PLCZ1: variants seen among roughly 807,000 people sequenced by gnomAD.
PLCZ1 encodes phospholipase C zeta 1, also known as 1-phosphatidylinositol 4,5-bisphosphate phosphodiesterase zeta-1.
In PLCZ1, 64 loss-of-function variants were observed where a neutral mutation model predicts 76.8. The ratio of observed to expected loss-of-function variants is 0.83; its 90% CI spans 0.68 to 1.03. The LOEUF is 1.03. Ranked by LOEUF, PLCZ1 falls within the 50% of genes least tolerant of loss-of-function variation. The probability of loss-of-function intolerance (pLI) is 0.00; values close to 1 mark genes in which losing one functional copy is unlikely to be tolerated. For missense variants in PLCZ1, 751 were observed against 713.7 expected (o/e 1.05, Z -0.60); for synonymous variants, 248 against 230.8 (o/e 1.07, Z -0.68).
chr12:18,677,586 A>G, the PLCZ1 span, among the ~76,000 whole-genome samples: 1 of 152,176 alleles, frequency 6.6e-6, no homozygotes, highest in East Asian at 1.9e-4. Flanking sequence ...GCAGTGCTTT[A>G]AGAGCACTGC....
intron 5 of PLCZ1, among the ~76,000 whole-genome samples, chr12:18,714,051 G>A (rs921865532): frequency 1.3e-5 from 2 of 152,116 alleles, no homozygotes; most frequent in South Asian, 2.1e-4. Context: ...AGCAAATAGG[G>A]ATGTCTCAAA....
At chr12:18,651,360 C>T in the PLCZ1 span, among the ~76,000 whole-genome samples, 1 of 152,148 alleles carries the variant, frequency 6.6e-6, no homozygotes, top group East Asian at 1.9e-4. Flanking sequence ...TCCCTGGAAA[C>T]ACACCAGATC....
At chr12:18,721,715 TAAA>T (rs35492057) in intron 4 of PLCZ1, among the ~76,000 whole-genome samples, 3 of 139,836 alleles carry the variant, frequency 2.1e-5, no homozygotes, top group African/African-American at 2.6e-5. Flanking sequence ...GTCTTGCTAT[TAAA>T]AAAAAAAAAA....
the PLCZ1 span, among the ~76,000 whole-genome samples, chr12:18,662,352 G>A: frequency 2.0e-5 from 3 of 151,874 alleles, no homozygotes; most frequent in African/African-American, 7.3e-5. Flanking sequence ...AAAATTGAGG[G>A]AGAAATTAAG....
intron 3 of PLCZ1, among the ~76,000 whole-genome samples, chr12:18,731,499 C>T (rs549060639): frequency 4.8e-5 from 7 of 147,130 alleles, no homozygotes; most frequent in African/African-American, 1.7e-4. Flanking sequence ...TGCTAATACT[C>T]TGACAACTGT....
intron 3 of PLCZ1, among the ~76,000 whole-genome samples, chr12:18,732,937 A>T (rs1959135619): frequency 6.6e-6 from 1 of 152,206 alleles, no homozygotes; most frequent in African/African-American, 2.4e-5. Context: ...CAGGAGTACA[A>T]ATATCTCTTG....
intron 11 of PLCZ1, among the ~76,000 whole-genome samples, 191 bp from the exon 12 acceptor site, chr12:18,695,270 G>A (rs1314600223): frequency 6.6e-6 from 1 of 152,130 alleles, no homozygotes; most frequent in Non-Finnish European, 1.5e-5. Context: ...ATATTGATGA[G>A]TTGCAAAGTT....
chr12:18,671,533 T>C, the PLCZ1 span, among the ~76,000 whole-genome samples: 7 of 152,142 alleles, frequency 4.6e-5, no homozygotes, highest in African/African-American at 1.2e-4. Flanking sequence ...GCACCACCCA[T>C]GTGTGGCTAC....
At chr12:18,703,451 C>A (rs1956197356) in intron 7 of PLCZ1, among the ~76,000 whole-genome samples, 1 of 152,134 alleles carries the variant, frequency 6.6e-6, no homozygotes, top group African/African-American at 2.4e-5. Flanking sequence ...TCATGTAATA[C>A]AGCTGTTTTT....
chr12:18,697,859 C>T (rs1217397592), intron 10 of PLCZ1, among the ~76,000 whole-genome samples: 1 of 148,570 alleles, frequency 6.7e-6, no homozygotes, highest in Non-Finnish European at 1.5e-5. Flanking sequence ...GAAGTTAAAC[C>T]TTTGCAGACA....
intron 6 of PLCZ1, among the ~76,000 whole-genome samples, chr12:18,708,789 T>G (rs909103450): frequency 6.6e-6 from 1 of 152,178 alleles, no homozygotes; most frequent in Non-Finnish European, 1.5e-5. Context: ...TTTCATATAC[T>G]TGTTGGCCAT....
intron 4 of PLCZ1, among the ~76,000 whole-genome samples, chr12:18,720,774 T>C (rs867283516): frequency 6.6e-6 from 1 of 151,956 alleles, no homozygotes; most frequent in African/African-American, 2.4e-5. Flanking sequence ...ACAAGAATGC[T>C]CACATTAGCA....
chr12:18,709,565 AT>A, intron 6 of PLCZ1, among the ~76,000 whole-genome samples: 1 of 151,966 alleles, frequency 6.6e-6, no homozygotes, highest in African/African-American at 2.4e-5. Flanking sequence ...TGCCATTGGA[AT>A]TTTGATAAGA....
chr12:18,711,558 T>TAATAATAATAAA (rs1371733123), intron 6 of PLCZ1, among the ~76,000 whole-genome samples: 1 of 149,092 alleles, frequency 6.7e-6, no homozygotes, highest in African/African-American at 2.5e-5. Flanking sequence ...ATAATAATAA[T>TAATAATAATAAA]AAAAGTAAAG....
At chr12:18,737,565 T>C (rs1959519656) in intron 1 of PLCZ1, 56 bp from the exon 2 acceptor site, 2 of 727,196 alleles carry the variant, frequency 2.8e-6, no homozygotes, top group Admixed American at 4.1e-5. Context: ...TCTTTGAAGC[T>C]AGCTCACACT....
the PLCZ1 span, among the ~76,000 whole-genome samples, chr12:18,678,060 A>G: frequency 4.0e-3 from 603 of 152,154 alleles, 5 homozygotes; most frequent in African/African-American, 0.014. Flanking sequence ...TGGATTTGCT[A>G]TAAATATTAT....
chr12:18,663,474 A>G, the PLCZ1 span, among the ~76,000 whole-genome samples: 1 of 152,272 alleles, frequency 6.6e-6, no homozygotes, highest in South Asian at 2.1e-4. Flanking sequence ...TGCATAGGTT[A>G]TATGCAAATA....
At position 18,719,543 on chromosome 12, in the gene PLCZ1, CT is replaced by C; in HGVS notation, c.456del (p.Val153PhefsTer5). The C allele has an allele frequency of 6.3e-7, 1 of 1,599,246 alleles. No individual in the cohort carries two copies. Among genetic ancestry groups the C allele is most frequent in the Non-Finnish European group, 8.5e-7 (1 of 1,170,658 alleles). ...AATGGATGAGTCATATCTTGATAAA[CT>C]TTTCTACATTCATTTTTAAACAGTA... is the stretch of plus-strand genomic sequence containing the variant. ...ECLLFKNECR[K>X]VYQDMTHPLN... is the part of the protein sequence containing the mutation. On this transcript the variant is annotated frameshift_variant, in exon 5 of 15. Coordinates refer to ENST00000266505, the MANE Select transcript of PLCZ1 (RefSeq NM_033123.4). LOFTEE classifies it high-confidence loss of function.
rs10505830 is a variant in PLCZ1 at position 18,688,181 on chromosome 12, G to A, written c.1499C>T (p.Ser500Leu). The change falls in exon 13 of 15, where the codon TCA becomes TTA. Residue 500 changes from serine to leucine, a missense_variant. Physicochemically the swap from Ser to Leu is moderately radical, Grantham distance 145. Coordinates refer to ENST00000266505, the MANE Select transcript of PLCZ1 (RefSeq NM_033123.4). ...TACTAATGAATCACCTTTGTTAGAT[G>A]ATGAATGAGTAAGAGGCAACTGGAT... ...SGIQLPLTHS[S>L]SNKGDSLVII... The A allele has an allele frequency of 0.042, 66,849 of 1,610,542 alleles. 1,650 individuals carry two copies. Among genetic ancestry groups the A allele is most frequent in the Non-Finnish European group, 0.049 (57,736 of 1,178,442 alleles).
Sources: allele counts gnomAD v4.1 joint callset (sites outside exome capture counted in the v4.1 genomes callset), GRCh38; gene constraint gnomAD v4.1.1; transcripts MANE v1.5; gene names NCBI Gene and HGNC (gene_info 2026-07-23, HGNC 2026-07-21).